The following ADGRB3 variants were observed in gnomAD, a reference collection of about 807,000 sequenced individuals.
The protein encoded by ADGRB3 is adhesion G protein-coupled receptor B3.
Under a neutral mutation model 193.4 loss-of-function variants are expected in ADGRB3, and 37 were observed. That is an observed-to-expected ratio of 0.19 (90% CI 0.15 to 0.25). ADGRB3 has a LOEUF of 0.25. Among genes scored for constraint, ADGRB3 ranks in the 10% least tolerant of loss-of-function variants. The pLI is 1.00. For synonymous variants in ADGRB3, 690 were observed against 644.2 expected (o/e 1.07, Z -1.08); for missense variants, 1,637 against 1,852.9 (o/e 0.88, Z 2.14).
chr6:68,738,631 A>G (rs1161878641), intron 3 of ADGRB3, among the ~76,000 whole-genome samples: 4 of 152,154 alleles, frequency 2.6e-5, no homozygotes, highest in Non-Finnish European at 4.4e-5. Flanking sequence ...AAAATATGAA[A>G]ATAAGAGTTA....
chr6:68,714,364 CA>C (rs1478444354), intron 3 of ADGRB3, among the ~76,000 whole-genome samples: 1 of 147,596 alleles, frequency 6.8e-6, no homozygotes, highest in East Asian at 2.7e-4. Context: ...TTTAATTAGT[CA>C]AATTTTTTTT....
At chr6:68,998,661 C>A (rs887834621) in intron 11 of ADGRB3, among the ~76,000 whole-genome samples, 3 of 152,254 alleles carry the variant, frequency 2.0e-5, no homozygotes, top group Non-Finnish European at 4.4e-5. Context: ...ATATATGATA[C>A]CCATTGTTTA....
At chr6:69,274,595 TTCCC>T (rs36136728) in intron 20 of ADGRB3, among the ~76,000 whole-genome samples, 23,356 of 91,866 alleles carry the variant, frequency 0.25, 3,180 homozygotes, top group Middle Eastern at 0.35. Flanking sequence ...TTCCTCCCTT[TTCCC>T]TCCCTCCCTC....
At chr6:68,884,100 G>C (rs750303133) in intron 3 of ADGRB3, among the ~76,000 whole-genome samples, 1 of 152,164 alleles carries the variant, frequency 6.6e-6, no homozygotes, top group South Asian at 2.1e-4. Flanking sequence ...TTGCGAATGA[G>C]ATCATGGCTT....
At chr6:68,874,026 T>C (rs1765525756) in intron 3 of ADGRB3, among the ~76,000 whole-genome samples, 1 of 152,082 alleles carries the variant, frequency 6.6e-6, no homozygotes, top group East Asian at 1.9e-4. Context: ...ACTGAAGATC[T>C]CTGGATGCTA....
chr6:68,648,241 C>T (rs1768261215), intron 3 of ADGRB3, among the ~76,000 whole-genome samples: 1 of 152,094 alleles, frequency 6.6e-6, no homozygotes, highest in Non-Finnish European at 1.5e-5. Context: ...TAGGAGCCTT[C>T]CTGAAATTTT....
At chr6:69,214,789 A>G (rs952910546) in intron 17 of ADGRB3, among the ~76,000 whole-genome samples, 1 of 151,816 alleles carries the variant, frequency 6.6e-6, no homozygotes, top group Non-Finnish European at 1.5e-5. Context: ...AAAAACCACA[A>G]TTACATTTGC....
intron 20 of ADGRB3, among the ~76,000 whole-genome samples, chr6:69,301,176 A>G (rs1341424988): frequency 6.6e-6 from 1 of 151,818 alleles, no homozygotes. Flanking sequence ...TGAATTCACA[A>G]AATATATGTA....
rs188653566 is a variant in ADGRB3, at chr6:68,716,044, A to G, written c.757+76612A>G. 3.1e-3 allele frequency among the ~76,000 whole-genome samples: 465 copies of G among 151,888 alleles called. 3 individuals are homozygous for G. The highest frequency in any genetic ancestry group is 0.011 in the African/African-American group (443 of 41,486). On this transcript the variant is annotated intron_variant, in intron 3 of 31. Coordinates refer to ENST00000370598, the MANE Select transcript of ADGRB3 (RefSeq NM_001704.3). ...ATTGTCTTATCAAGACTGGCATTAT[A>G]TAGATTAAATAAAGAAGAAATTGAA...
intron 30 of ADGRB3, among the ~76,000 whole-genome samples, chr6:69,376,380 G>A (rs1238486934): frequency 6.6e-6 from 1 of 151,904 alleles, no homozygotes; most frequent in Admixed American, 6.6e-5. Flanking sequence ...TTATAGGCAT[G>A]AGCCACCGTT....
At chr6:69,387,474 T>G (rs1181684325) in intron 31 of ADGRB3, among the ~76,000 whole-genome samples, 1 of 149,950 alleles carries the variant, frequency 6.7e-6, no homozygotes, top group Non-Finnish European at 1.5e-5. Flanking sequence ...TTCTTCCCCA[T>G]ATATTCTCAG....
intron 20 of ADGRB3, among the ~76,000 whole-genome samples, chr6:69,304,870 A>C (rs535310257): frequency 7.3e-4 from 111 of 151,662 alleles, no homozygotes; most frequent in Non-Finnish European, 1.1e-3. Flanking sequence ...TTTCTGGCTA[A>C]TAGCATTTTC....
rs1033968201 is a variant in ADGRB3 at position 69,355,898 on chromosome 6, A to G, written c.3595+38A>G. Reference sequence around the variant, plus strand: ...AGATTTTGAAATCTAATCAGTAGGGATGTTCAATCATTTCTATAGATTTTA... The same window carrying G: ...AGATTTTGAAATCTAATCAGTAGGGGTGTTCAATCATTTCTATAGATTTTA... On this transcript the variant is annotated intron_variant, in intron 28 of 31. Transcript: ENST00000370598. 8 of 1,471,618 alleles carry G rather than the reference A, an allele frequency of 5.4e-6. No homozygotes were observed. In the African/African-American group the frequency reaches 1.1e-4, roughly 21 times the overall value. 91.2% of individuals were successfully genotyped at this position (1,471,618 alleles called of 1,614,324 possible). A position where few individuals can be genotyped will look rare whatever the true frequency, so the allele number is the denominator to read the frequency against.
chr6:69,012,906 C>T (rs1769978755), intron 11 of ADGRB3, among the ~76,000 whole-genome samples: 1 of 152,026 alleles, frequency 6.6e-6, no homozygotes, highest in Non-Finnish European at 1.5e-5. Context: ...TTTCTGCCCT[C>T]AAGGGAGTCC....
intron 3 of ADGRB3, among the ~76,000 whole-genome samples, chr6:68,869,682 A>G (rs1765403063): frequency 6.6e-6 from 1 of 151,194 alleles, no homozygotes; most frequent in East Asian, 1.9e-4. Context: ...ATGAAAAATT[A>G]AAAGTGTTAT....
At chr6:68,659,329 TA>T (rs143311303) in intron 3 of ADGRB3, among the ~76,000 whole-genome samples, 45 of 145,058 alleles carry the variant, frequency 3.1e-4, no homozygotes, top group African/African-American at 5.7e-4. Context: ...TCATTTTTTC[TA>T]AAAAAAAAAG....
chr6:68,979,216 CT>C (rs1768837217), intron 10 of ADGRB3, among the ~76,000 whole-genome samples: 1 of 151,204 alleles, frequency 6.6e-6, no homozygotes, highest in Non-Finnish European at 1.5e-5. Flanking sequence ...GACTTTGCTA[CT>C]TTTCTTATAA....
chr6:69,079,437 G>T (rs1206948949), intron 17 of ADGRB3, among the ~76,000 whole-genome samples: 9 of 152,070 alleles, frequency 5.9e-5, no homozygotes, highest in African/African-American at 2.2e-4. Context: ...AAAATAATAA[G>T]AACTATTTAT....
At chr6:69,011,568 C>A in intron 11 of ADGRB3, among the ~76,000 whole-genome samples, 1 of 151,934 alleles carries the variant, frequency 6.6e-6, no homozygotes, top group East Asian at 1.9e-4. Context: ...ATTCATACTC[C>A]AAACCTCAGC....
Sources: gnomAD v4.1 joint callset for allele counts (sites outside exome capture counted in the v4.1 genomes callset) on GRCh38, gnomAD v4.1.1 for gene constraint, MANE v1.5 for transcripts, NCBI Gene and HGNC (gene_info 2026-07-23, HGNC 2026-07-21) for gene names.